Variants in SH3RF3 observed in about 807,000 individuals in gnomAD.
The protein encoded by SH3RF3 is E3 ubiquitin-protein ligase SH3RF3.
Under a neutral mutation model 66.3 loss-of-function variants are expected in SH3RF3, and 29 were observed. The ratio of observed to expected loss-of-function variants is 0.44; its 90% CI spans 0.33 to 0.60. The LOEUF (loss-of-function observed/expected upper bound fraction) is 0.60. SH3RF3 is among the 20% of genes least tolerant of loss of function. SH3RF3 has a pLI of 0.04. For missense variants in SH3RF3, 1,194 were observed against 1,190.9 expected, an observed-to-expected ratio of 1.00 and a Z score of -0.04; for synonymous variants, 583 against 532.0, an observed-to-expected ratio of 1.10 and a Z score of -1.32.
intron 1 of SH3RF3, among the ~76,000 whole-genome samples, chr2:109,335,771 C>CG (rs1434410637): frequency 6.6e-6 from 1 of 152,246 alleles, no homozygotes; most frequent in Non-Finnish European, 1.5e-5. Context: ...GATTTGCTGA[C>CG]TAACTGCATA....
intron 1 of SH3RF3, among the ~76,000 whole-genome samples, chr2:109,318,489 A>G (rs2105450637): frequency 6.6e-6 from 1 of 152,294 alleles, no homozygotes; most frequent in East Asian, 1.9e-4. Context: ...GAGTGACTGA[A>G]TCATAGCACA....
chr2:109,189,799 C>A (rs1467240347), intron 1 of SH3RF3, among the ~76,000 whole-genome samples: 1 of 152,196 alleles, frequency 6.6e-6, no homozygotes, highest in Non-Finnish European at 1.5e-5. Context: ...AACAGTGAGA[C>A]CCACTTCTCA....
At chr2:109,134,333 A>G (rs1310894147) in intron 1 of SH3RF3, among the ~76,000 whole-genome samples, 1 of 152,186 alleles carries the variant, frequency 6.6e-6, no homozygotes, top group African/African-American at 2.4e-5. Context: ...TCCAGAGGAA[A>G]AGGCTGGCAC....
chr2:109,290,264 G>T (rs1456955599), intron 1 of SH3RF3, among the ~76,000 whole-genome samples: 1 of 152,196 alleles, frequency 6.6e-6, no homozygotes, highest in Non-Finnish European at 1.5e-5. Flanking sequence ...GACAGACAAG[G>T]AAAATGAAGT....
intron 1 of SH3RF3, among the ~76,000 whole-genome samples, chr2:109,151,264 C>T (rs1677219642): frequency 6.6e-6 from 1 of 152,162 alleles, no homozygotes; most frequent in African/African-American, 2.4e-5. Context: ...GTTTGTGGGG[C>T]TCCATGTTTG....
chr2:109,241,557 C>T (rs1332683548), intron 1 of SH3RF3, among the ~76,000 whole-genome samples: 1 of 152,126 alleles, frequency 6.6e-6, no homozygotes, highest in Non-Finnish European at 1.5e-5. Flanking sequence ...TCCCACACAA[C>T]CTTCTTCCCT....
At chr2:109,283,252 A>G (rs966592316) in intron 1 of SH3RF3, among the ~76,000 whole-genome samples, 4 of 152,286 alleles carry the variant, frequency 2.6e-5, no homozygotes, top group Admixed American at 2.6e-4. Flanking sequence ...TGCTTGGGCC[A>G]TGGCCACAGC....
At chr2:109,425,976 C>T (rs1677018741) in intron 5 of SH3RF3, among the ~76,000 whole-genome samples, 1 of 152,202 alleles carries the variant, frequency 6.6e-6, no homozygotes, top group African/African-American at 2.4e-5. Context: ...TGGCTCACTG[C>T]AACCTCCGCC....
intron 2 of SH3RF3, among the ~76,000 whole-genome samples, chr2:109,368,616 ATAT>A: frequency 6.6e-6 from 1 of 150,656 alleles, no homozygotes; most frequent in Non-Finnish European, 1.5e-5. Flanking sequence ...TTTCTTTCTA[ATAT>A]TTATACTTCT....
chr2:109,347,625 C>T (rs1488386423), intron 1 of SH3RF3, 49 bp from the exon 2 acceptor site: 3 of 1,587,818 alleles, frequency 1.9e-6, no homozygotes, highest in Non-Finnish European at 2.6e-6. Context: ...CACTGTGGGG[C>T]ATTGGGAAGG....
At chr2:109,323,361 A>G (rs1294880222) in intron 1 of SH3RF3, among the ~76,000 whole-genome samples, 3 of 152,232 alleles carry the variant, frequency 2.0e-5, no homozygotes, top group African/African-American at 7.2e-5. Context: ...CTCCAGCTAT[A>G]GGATCCACAT....
chr2:109,285,194 A>G (rs1226280527), intron 1 of SH3RF3, among the ~76,000 whole-genome samples: 1 of 152,208 alleles, frequency 6.6e-6, no homozygotes, highest in African/African-American at 2.4e-5. Context: ...TGAGCCTGGC[A>G]CTGGCCTTCT....
At chr2:109,200,823 G>C (rs1312909216) in intron 1 of SH3RF3, among the ~76,000 whole-genome samples, 1 of 152,214 alleles carries the variant, frequency 6.6e-6, no homozygotes, top group African/African-American at 2.4e-5. Flanking sequence ...GAGTTCACAG[G>C]ACAAGAGAAA....
chr2:109,130,228 C>T (rs1406575749), intron 1 of SH3RF3, 115 bp downstream of exon 1: 7 of 1,025,864 alleles, frequency 6.8e-6, no homozygotes, highest in Non-Finnish European at 8.7e-6. Flanking sequence ...CCTGCGTTGG[C>T]CCACTCCGCT....
intron 1 of SH3RF3, among the ~76,000 whole-genome samples, chr2:109,232,829 T>C (rs55896106): frequency 0.012 from 1,812 of 152,294 alleles, 8 homozygotes; most frequent in Middle Eastern, 0.027. Context: ...TAAATTTTAA[T>C]GCAAAATTTT....
In SH3RF3 at chr2:109,231,486, T is replaced by A. The variant is rs1406477381; in HGVS notation, c.573+101373T>A. On this transcript the variant is annotated intron_variant, in intron 1 of 9. Coordinates refer to ENST00000309415, the MANE Select transcript of SH3RF3 (RefSeq NM_001099289.3). ...ACATTCTAATGGCTAGTGCTTAAAT[T>A]TTTTTCCAGAAACATCTATGAAGAA... Among the ~76,000 whole-genome samples, 3 of 152,178 alleles carry A rather than the reference T, an allele frequency of 2.0e-5. No homozygotes were observed. In the South Asian group the frequency reaches 6.2e-4, roughly 31 times the overall value.
At chr2:109,384,402 G>A (rs745358840) in intron 3 of SH3RF3, among the ~76,000 whole-genome samples, 45 of 152,100 alleles carry the variant, frequency 3.0e-4, no homozygotes, top group Admixed American at 5.9e-4. Flanking sequence ...CAGGGAAAGC[G>A]GCCTTCGGGG....
intron 7 of SH3RF3, among the ~76,000 whole-genome samples, chr2:109,447,941 G>C (rs73953116): frequency 0.065 from 9,842 of 152,262 alleles, 996 homozygotes; most frequent in African/African-American, 0.21. Flanking sequence ...CATGCAGGCA[G>C]AGCAGCAAAT....
At chr2:109,195,858 T>C (rs895717238) in intron 1 of SH3RF3, among the ~76,000 whole-genome samples, 5 of 152,228 alleles carry the variant, frequency 3.3e-5, no homozygotes, top group African/African-American at 1.2e-4. Context: ...GGAGTCTGGC[T>C]ATGCGTTTGG....
Sources: allele counts gnomAD v4.1 joint callset (sites outside exome capture counted in the v4.1 genomes callset), GRCh38; gene constraint gnomAD v4.1.1; transcripts MANE v1.5; gene names NCBI Gene and HGNC (gene_info 2026-07-23, HGNC 2026-07-21).